The following FERMT2 variants were observed in gnomAD, a reference collection of about 807,000 sequenced individuals.
FERMT2 encodes fermitin family homolog 2.
In FERMT2, 15 loss-of-function variants were observed where a neutral mutation model predicts 82.7. That is an observed-to-expected ratio of 0.18 (90% CI 0.12 to 0.28). The LOEUF (loss-of-function observed/expected upper bound fraction) is 0.28, where lower values mean the gene tolerates loss of function less well. Ranked by LOEUF, FERMT2 falls within the 10% of genes least tolerant of loss-of-function variation. The pLI is 1.00. For missense variants in FERMT2, 645 were observed against 809.4 expected (o/e 0.80, Z 2.46); for synonymous variants, 274 against 271.5 (o/e 1.01, Z -0.09).
chr14:52,940,232 A>G (rs995235216), intron 2 of FERMT2, among the ~76,000 whole-genome samples: 2 of 152,062 alleles, frequency 1.3e-5, no homozygotes, highest in African/African-American at 4.8e-5. Flanking sequence ...TATCTAAATG[A>G]CAGATAATTA....
At chr14:52,918,494 G>A (rs889925073) in intron 3 of FERMT2, among the ~76,000 whole-genome samples, 4 of 152,168 alleles carry the variant, frequency 2.6e-5, no homozygotes, top group African/African-American at 9.7e-5. Context: ...AATATGAGAA[G>A]TCACTAAATG....
At chr14:52,860,319 A>G in intron 13 of FERMT2, 22 bp downstream of exon 13, 1 of 1,611,524 alleles carries the variant, frequency 6.2e-7, no homozygotes, top group East Asian at 2.2e-5. Context: ...AGGTTTACAC[A>G]TAGATGCTTA....
chr14:52,938,129 A>G (rs772431619), intron 2 of FERMT2, among the ~76,000 whole-genome samples: 1 of 152,254 alleles, frequency 6.6e-6, no homozygotes, highest in Admixed American at 6.5e-5. Context: ...ATTCAAACCC[A>G]GTCAGTGACT....
chr14:52,907,100 C>T (rs185090983), intron 3 of FERMT2, among the ~76,000 whole-genome samples: 1 of 152,258 alleles, frequency 6.6e-6, no homozygotes, highest in African/African-American at 2.4e-5. Context: ...ACAACCTTTG[C>T]TTCCCAGGCT....
At chr14:52,859,391 G>GTAAC (rs1460034049) in intron 14 of FERMT2, 182 bp downstream of exon 14, 1 of 525,636 alleles carries the variant, frequency 1.9e-6, no homozygotes, top group Non-Finnish European at 3.1e-6. Context: ...TAGAATTTTA[G>GTAAC]TAACTGGGCT....
chr14:52,928,716 C>T (rs540331668), intron 2 of FERMT2, among the ~76,000 whole-genome samples: 1 of 152,310 alleles, frequency 6.6e-6, no homozygotes, highest in African/African-American at 2.4e-5. Flanking sequence ...AATCCTCCTC[C>T]TTCTCAGTAG....
At chr14:52,938,527 T>C (rs1428580655) in intron 2 of FERMT2, among the ~76,000 whole-genome samples, 12 of 152,158 alleles carry the variant, frequency 7.9e-5, no homozygotes, top group Non-Finnish European at 4.4e-5. Flanking sequence ...AACCAATAAG[T>C]TGGCCACATC....
chr14:52,875,025 A>G (rs1316748289), intron 8 of FERMT2, among the ~76,000 whole-genome samples, 198 bp downstream of exon 8: 2 of 152,220 alleles, frequency 1.3e-5, no homozygotes, highest in African/African-American at 4.8e-5. Context: ...ACTGCACTCC[A>G]GCCTGGGCAA....
chr14:52,874,112 T>C, intron 9 of FERMT2, 65 bp downstream of exon 9: 1 of 1,060,368 alleles, frequency 9.4e-7, no homozygotes, highest in East Asian at 2.6e-5. Flanking sequence ...TTAGTTTCAA[T>C]AATGTGACCA....
intron 2 of FERMT2, among the ~76,000 whole-genome samples, chr14:52,935,189 T>C (rs946465813): frequency 2.4e-4 from 36 of 151,708 alleles, no homozygotes; most frequent in African/African-American, 8.0e-4. Flanking sequence ...GATGTCATAT[T>C]AAAAAAAAAG....
At chr14:52,911,423 G>A (rs1246778525) in intron 3 of FERMT2, among the ~76,000 whole-genome samples, 11 of 151,840 alleles carry the variant, frequency 7.2e-5, no homozygotes, top group African/African-American at 2.7e-4. Context: ...AGGCTGAGGC[G>A]GGCGGATCAC....
At chr14:52,908,584 C>A (rs7141054) in intron 3 of FERMT2, among the ~76,000 whole-genome samples, 121,830 of 152,102 alleles carry the variant, frequency 0.8, 48,989 homozygotes, top group East Asian at 1. Context: ...TTCCATTTAT[C>A]TAACATTTTA....
At chr14:52,914,180 T>C (rs967574502) in intron 3 of FERMT2, among the ~76,000 whole-genome samples, 2 of 151,416 alleles carry the variant, frequency 1.3e-5, no homozygotes, top group African/African-American at 2.4e-5. Flanking sequence ...CTGGGTAACA[T>C]AGTAAGACCC....
chr14:52,870,096 G>C (rs368788439), intron 10 of FERMT2, among the ~76,000 whole-genome samples: 21 of 152,266 alleles, frequency 1.4e-4, no homozygotes, highest in African/African-American at 5.1e-4. Context: ...GTTACAGTAA[G>C]CAAAGGTTTG....
intron 7 of FERMT2, 31 bp downstream of exon 7, chr14:52,878,551 A>AT: frequency 7.5e-7 from 1 of 1,337,624 alleles, no homozygotes. Context: ...CTTTACCGGA[A>AT]TAAGTCCCAT....
intron 3 of FERMT2, among the ~76,000 whole-genome samples, chr14:52,917,632 A>G (rs1309044709): frequency 6.6e-6 from 1 of 152,192 alleles, no homozygotes; most frequent in African/African-American, 2.4e-5. Flanking sequence ...AAATGACAGC[A>G]AAAGATATTT....
chr14:52,896,145 A>C (rs1334861442), intron 3 of FERMT2, among the ~76,000 whole-genome samples: 1 of 152,212 alleles, frequency 6.6e-6, no homozygotes, highest in Non-Finnish European at 1.5e-5. Context: ...ACTCCATTAT[A>C]ATCTTAAGGA....
At position 52,864,308 on chromosome 14, in the gene FERMT2, T is replaced by C. The variant is rs1397722459; in HGVS notation, c.1602+93A>G. The C allele has an allele frequency of 3.6e-6, 3 of 831,412 alleles. No homozygotes were observed. The Admixed American group carries it at 6.8e-5, about 19-fold the overall frequency. 51.5% of individuals were successfully genotyped at this position (831,412 alleles called of 1,614,324 possible). On this transcript the variant is annotated intron_variant, in intron 12 of 14. Transcript: ENST00000341590. ...TAACCATCTGATACAAAATTAAGAC[T>C]AAAAAGTTTTGTTTAAGAGGGGAAA...
intron 4 of FERMT2, among the ~76,000 whole-genome samples, chr14:52,888,386 AATC>A: frequency 6.6e-6 from 1 of 152,204 alleles, no homozygotes; most frequent in South Asian, 2.1e-4. Flanking sequence ...ATGCTAACTC[AATC>A]ACGATTATTC....
Sources: gnomAD v4.1 joint callset for allele counts (sites outside exome capture counted in the v4.1 genomes callset) on GRCh38, gnomAD v4.1.1 for gene constraint, MANE v1.5 for transcripts, NCBI Gene and HGNC (gene_info 2026-07-23, HGNC 2026-07-21) for gene names.